Variants in ZNF723 observed in about 807,000 individuals in gnomAD.
ZNF723 encodes zinc finger protein 723, pseudogene.
In ZNF723, 5 loss-of-function variants were observed where a neutral mutation model predicts 9.4. The observed-to-expected ratio is 0.53, with a 90% CI of 0.28 to 1.12. The LOEUF is 1.12. ZNF723 is among the 50% of genes most tolerant of loss of function. The probability of loss-of-function intolerance (pLI) is 0.10; values close to 1 mark genes in which losing one functional copy is unlikely to be tolerated. For missense variants in ZNF723, 450 were observed against 501.5 expected (o/e 0.90, Z 0.98); for synonymous variants, 158 against 168.8 (o/e 0.94, Z 0.49).
the ZNF723 span, among the ~76,000 whole-genome samples, chr19:22,814,135 T>A: frequency 6.6e-6 from 1 of 152,110 alleles, no homozygotes; most frequent in African/African-American, 2.4e-5. Context: ...TAAATGAAGC[T>A]CATAGGAAGA....
chr19:22,844,322 G>A (rs1314499421), intron 1 of ZNF723, among the ~76,000 whole-genome samples: 5 of 152,014 alleles, frequency 3.3e-5, no homozygotes, highest in South Asian at 2.1e-4. Flanking sequence ...TCTAAACTGC[G>A]TTAAACTTTT....
At chr19:22,855,035 G>A (rs1291053147) in intron 3 of ZNF723, among the ~76,000 whole-genome samples, 1 of 151,096 alleles carries the variant, frequency 6.6e-6, no homozygotes, top group Non-Finnish European at 1.5e-5. Flanking sequence ...CAACAAGATT[G>A]AAACTCCATC....
At chr19:22,820,031 G>A in the ZNF723 span, among the ~76,000 whole-genome samples, 2 of 152,024 alleles carry the variant, frequency 1.3e-5, no homozygotes, top group African/African-American at 4.8e-5. Context: ...CAAAAGGGGG[G>A]ATTGTAACAT....
chr19:22,818,011 GT>G, the ZNF723 span, among the ~76,000 whole-genome samples: 1 of 152,198 alleles, frequency 6.6e-6, no homozygotes, highest in African/African-American at 2.4e-5. Context: ...AGTTGGAACT[GT>G]GACGGTCATA....
upstream of ZNF723, among the ~76,000 whole-genome samples, chr19:22,830,454 C>A (rs388964): frequency 0.2 from 29,923 of 151,904 alleles, 3,552 homozygotes; most frequent in African/African-American, 0.33. Flanking sequence ...AAGTGTGAGG[C>A]GCCGTGTGCT....
chr19:22,815,163 GT>G, the ZNF723 span, among the ~76,000 whole-genome samples: 1 of 152,170 alleles, frequency 6.6e-6, no homozygotes, highest in South Asian at 2.1e-4. Flanking sequence ...CTACTTTTCT[GT>G]TTTTCCTGGG....
chr19:22,858,626 TGTA>T lies in ZNF723; in HGVS notation c.*196_*198del. 2.5e-6 allele frequency: 1 copy of T among 398,878 alleles called. No individual in the cohort carries two copies. Among genetic ancestry groups the T allele is most frequent in the Non-Finnish European group, 4.4e-6 (1 of 227,650 alleles). 24.7% of individuals were successfully genotyped at this position (398,878 alleles called of 1,614,324 possible). A position where few individuals can be genotyped will look rare whatever the true frequency, so the allele number is the denominator to read the frequency against. The stretch of plus-strand genomic sequence containing the variant: ...TAAAATACAAAAAAAATTAGCCGGG[TGTA>T]GTGGTGGGCGCCTGTAATCCCAGCT... On this transcript the variant is annotated 3_prime_UTR_variant, in exon 4 of 4. Coordinates refer to ENST00000600766, the MANE Select transcript of ZNF723 (RefSeq NM_001349726.2).
the ZNF723 span, among the ~76,000 whole-genome samples, chr19:22,825,866 G>A: frequency 6.6e-6 from 1 of 152,362 alleles, no homozygotes; most frequent in Non-Finnish European, 1.5e-5. Context: ...ATTGTGACAT[G>A]TAAGTGGACC....
intron 3 of ZNF723, among the ~76,000 whole-genome samples, chr19:22,853,576 G>A (rs1454595147): frequency 6.6e-6 from 1 of 152,000 alleles, no homozygotes; most frequent in African/African-American, 2.4e-5. Context: ...TTTGTTTTAT[G>A]AAATTTGTTA....
the ZNF723 span, among the ~76,000 whole-genome samples, chr19:22,820,947 G>A: frequency 2.6e-5 from 4 of 152,170 alleles, no homozygotes; most frequent in African/African-American, 7.2e-5. Flanking sequence ...AATCTCCCAC[G>A]TGGAGGTAGT....
At position 22,857,462 on chromosome 19, in the gene ZNF723, C is replaced by T; in HGVS notation, c.571C>T (p.His191Tyr). The part of the protein sequence containing the change: ...SFCMLSHLTK[H>Y]ERNHTRVNCY... The stretch of plus-strand genomic sequence containing the variant: ...TTGCATGCTTTCACACCTAACTAAA[C>T]ATGAAAGAAATCATACTAGAGTGAA... The change falls in exon 4 of 4, where the codon CAT becomes TAT. Residue 191 changes from histidine (H) to tyrosine (Y), a missense_variant. By Grantham distance (83) the His-to-Tyr change is moderately conservative. This residue lies in a region of ZNF723 where 143 missense variants were observed against 101.3 expected (regional missense o/e 1.41). Transcript: ENST00000600766. 1.9e-6 allele frequency: 2 copies of T among 1,055,620 alleles called. No individual in the cohort carries two copies. The highest frequency in any genetic ancestry group is 2.6e-5 in the South Asian group (2 of 78,350). The allele number at this position is 1,055,620 out of a possible 1,614,324, so 65.4% of individuals were successfully genotyped here.
At chr19:22,854,501 ATTT>A (rs1308480108) in intron 3 of ZNF723, among the ~76,000 whole-genome samples, 1 of 150,588 alleles carries the variant, frequency 6.6e-6, no homozygotes, top group Non-Finnish European at 1.5e-5. Context: ...TTGTATATAT[ATTT>A]AAATAATTTT....
chr19:22,846,289 A>G (rs775694082), intron 1 of ZNF723, among the ~76,000 whole-genome samples: 8 of 152,142 alleles, frequency 5.3e-5, no homozygotes, highest in Non-Finnish European at 1.0e-4. Flanking sequence ...TGTGTTCCCC[A>G]TTAGCACTAT....
intron 3 of ZNF723, among the ~76,000 whole-genome samples, chr19:22,850,876 A>G: frequency 6.6e-6 from 1 of 152,128 alleles, no homozygotes; most frequent in East Asian, 1.9e-4. Context: ...TCATCCTGAA[A>G]TATAATGTGA....
the ZNF723 span, among the ~76,000 whole-genome samples, chr19:22,818,614 T>G: frequency 2.6e-5 from 4 of 152,210 alleles, no homozygotes; most frequent in Non-Finnish European, 4.4e-5. Flanking sequence ...TTTGGGAGAC[T>G]GTTAGTCATA....
chr19:22,821,983 G>A, the ZNF723 span, among the ~76,000 whole-genome samples: 936 of 152,150 alleles, frequency 6.2e-3, 8 homozygotes, highest in African/African-American at 0.021. Flanking sequence ...GGTGGTGTGC[G>A]TCTGTAATCC....
intron 2 of ZNF723, among the ~76,000 whole-genome samples, chr19:22,848,990 A>G (rs1016600067): frequency 9.2e-5 from 14 of 151,952 alleles, no homozygotes; most frequent in African/African-American, 3.1e-4. Flanking sequence ...TCTGACCTCA[A>G]GTGATCCACC....
At chr19:22,835,655 C>A (rs1967156722) in intron 1 of ZNF723, among the ~76,000 whole-genome samples, 1 of 152,052 alleles carries the variant, frequency 6.6e-6, no homozygotes, top group Admixed American at 6.6e-5. Flanking sequence ...ATAGGGAAAT[C>A]TCTCTTTTAT....
At chr19:22,844,107 C>T in intron 1 of ZNF723, among the ~76,000 whole-genome samples, 1 of 152,088 alleles carries the variant, frequency 6.6e-6, no homozygotes, top group African/African-American at 2.4e-5. Flanking sequence ...AATCCTGCTG[C>T]CTTTCTAAAG....
Sources: allele counts gnomAD v4.1 joint callset (sites outside exome capture counted in the v4.1 genomes callset), GRCh38; gene constraint gnomAD v4.1.1; regional missense constraint gnomAD v4.1.1; transcripts MANE v1.5; gene names NCBI Gene and HGNC (gene_info 2026-07-23, HGNC 2026-07-21).